Variants in ATRX observed in about 807,000 individuals in gnomAD.
ATRX encodes ATRX chromatin remodeler, also known as chromatin remodeler ATRX.
A neutral mutation model predicts 172.6 loss-of-function variants in ATRX; 12 were observed. The ratio of observed to expected loss-of-function variants is 0.07; its 90% CI spans 0.04 to 0.11. The LOEUF is 0.11. Among genes scored for constraint, ATRX ranks in the 10% least tolerant of loss-of-function variants. The pLI, the probability that ATRX is intolerant of heterozygous loss-of-function variation, is 1.00. For synonymous variants in ATRX, 674 were observed against 594.7 expected (o/e 1.13, Z -1.94); for missense variants, 1,368 against 1,767.4 (o/e 0.77, Z 4.05).
intron 27 of ATRX, among the ~76,000 whole-genome samples, chrX:77,585,764 T>C (rs782203023): frequency 1.9e-4 from 21 of 109,572 alleles, no homozygotes; most frequent in Non-Finnish European, 3.6e-4. Context: ...AACAGATGAA[T>C]GGATAATGAA....
At chrX:77,656,421 A>G in intron 13 of ATRX, 139 bp downstream of exon 13, 1 of 502,556 alleles carries the variant, frequency 2.0e-6, no homozygotes. Context: ...TAAACTATTA[A>G]GTATAACAAT....
intron 12 of ATRX, among the ~76,000 whole-genome samples, chrX:77,663,057 T>C (rs1478635930): frequency 9.0e-6 from 1 of 111,556 alleles, no homozygotes; most frequent in Non-Finnish European, 1.9e-5. Context: ...GTTTTTGCTT[T>C]TGTTTTTGAG....
intron 26 of ATRX, among the ~76,000 whole-genome samples, chrX:77,593,088 G>A (rs1046685966): frequency 1.8e-5 from 2 of 108,964 alleles, no homozygotes; most frequent in African/African-American, 3.3e-5. Context: ...GCTGGGCATG[G>A]TGGTGTGCGC....
Position 77,727,309 on chromosome X carries a change from A to G in ATRX, c.21-10066T>C, listed in dbSNP as rs1284845728. Among the ~76,000 whole-genome samples the G allele has an allele frequency of 3.6e-5, 4 of 111,654 alleles. No homozygotes were observed. The Admixed American group carries it at 3.8e-4, about 11-fold the overall frequency. ...GATCTAGAATTAGAAATACCATTTG[A>G]CCCAGCAATCCCATTACTGGGTATA... On this transcript the variant is annotated intron_variant, in intron 1 of 34. Coordinates refer to ENST00000373344, the MANE Select transcript of ATRX (RefSeq NM_000489.6).
intron 30 of ATRX, among the ~76,000 whole-genome samples, chrX:77,530,761 C>T (rs2063549216): frequency 9.1e-6 from 1 of 109,905 alleles, no homozygotes; most frequent in African/African-American, 3.3e-5. Flanking sequence ...CAGAGCTGAG[C>T]TGAAGCAAAC....
chrX:77,639,622 T>C (rs2068557078), intron 15 of ATRX, among the ~76,000 whole-genome samples: 1 of 111,904 alleles, frequency 8.9e-6, no homozygotes, highest in Admixed American at 9.5e-5. Context: ...AAGGCTTTAA[T>C]TAAGATTTCT....
At chrX:77,693,705 T>A in intron 6 of ATRX, 119 bp downstream of exon 6, 1 of 546,673 alleles carries the variant, frequency 1.8e-6, no homozygotes, top group Non-Finnish European at 3.2e-6. Flanking sequence ...TATATTTAAG[T>A]AGTGCTTTTA....
chrX:77,508,734 G>GA, intron 34 of ATRX, 105 bp from the exon 35 acceptor site: 1 of 868,471 alleles, frequency 1.2e-6, no homozygotes, highest in Non-Finnish European at 1.7e-6. Flanking sequence ...ATACCAAAAG[G>GA]AAAACACATT....
intron 1 of ATRX, among the ~76,000 whole-genome samples, chrX:77,776,566 CTTTT>C (rs781962494): frequency 6.6e-4 from 74 of 111,996 alleles, no homozygotes; most frequent in Non-Finnish European, 1.0e-3. Flanking sequence ...TCATCAGTGA[CTTTT>C]TTTAAAACAA....
chrX:77,686,364 A>C (rs1398713992), intron 7 of ATRX, among the ~76,000 whole-genome samples: 1 of 111,645 alleles, frequency 9.0e-6, no homozygotes, highest in Non-Finnish European at 1.9e-5. Context: ...AAATACAAAC[A>C]ATTTTTTTTT....
chrX:77,702,761 C>CT (rs2072602436), intron 2 of ATRX, among the ~76,000 whole-genome samples: 1 of 111,424 alleles, frequency 9.0e-6, no homozygotes, highest in Non-Finnish European at 1.9e-5. Context: ...GAGTCTCACC[C>CT]TATTGCCCAG....
intron 20 of ATRX, 103 bp downstream of exon 20, chrX:77,620,292 G>A: frequency 1.1e-6 from 1 of 916,058 alleles, no homozygotes; most frequent in Non-Finnish European, 1.6e-6. Context: ...TCATGGTCTA[G>A]GACTATACTA....
chrX:77,742,430 A>G (rs1220178744), intron 1 of ATRX, among the ~76,000 whole-genome samples: 1 of 111,906 alleles, frequency 8.9e-6, no homozygotes, highest in African/African-American at 3.2e-5. Context: ...AGGATTGGGC[A>G]GAAAGAAAAC....
At chrX:77,716,213 G>A (rs2073389434) in intron 2 of ATRX, among the ~76,000 whole-genome samples, 1 of 81,119 alleles carries the variant, frequency 1.2e-5, no homozygotes, top group Non-Finnish European at 2.2e-5. Context: ...TGAGAAGATT[G>A]CTTAAGCCCA....
intron 28 of ATRX, among the ~76,000 whole-genome samples, chrX:77,567,469 G>C (rs1260692766): frequency 9.0e-6 from 1 of 111,213 alleles, no homozygotes; most frequent in Non-Finnish European, 1.9e-5. Flanking sequence ...ATTAGTATCA[G>C]ATAAAACAGA....
chrX:77,569,520 T>G (rs782096346), intron 28 of ATRX, among the ~76,000 whole-genome samples: 2 of 111,035 alleles, frequency 1.8e-5, no homozygotes, highest in East Asian at 5.6e-4. Flanking sequence ...CCCAGAAATC[T>G]ATAAAACAAA....
chrX:77,628,811 G>A lies in ATRX; in HGVS notation c.5134+4396C>T, dbSNP rs5912651. On this transcript the variant is annotated intron_variant, in intron 19 of 34. Coordinates refer to ENST00000373344, the MANE Select transcript of ATRX (RefSeq NM_000489.6). ...TTTTGTAGATATGGGGTCTCACTAT[G>A]TTGCCCAGGCTGGCCTCAAACTCCC... Among the ~76,000 whole-genome samples the A allele has an allele frequency of 3.1e-3, 343 of 111,360 alleles. 3 individuals are homozygous for A. The highest frequency in any genetic ancestry group is 5.0e-3 in the Non-Finnish European group (267 of 53,051).
chrX:77,609,803 C>T (rs2067075713), intron 22 of ATRX, among the ~76,000 whole-genome samples: 1 of 111,691 alleles, frequency 9.0e-6, no homozygotes, highest in Non-Finnish European at 1.9e-5. Flanking sequence ...AACAACTGAA[C>T]TCACAGAGAT....
At chrX:77,580,189 G>C (rs1337985234) in intron 27 of ATRX, among the ~76,000 whole-genome samples, 1 of 111,760 alleles carries the variant, frequency 8.9e-6, no homozygotes, top group Non-Finnish European at 1.9e-5. Flanking sequence ...TACAAAAAAA[G>C]CAAATCTAAG....
Sources: allele counts gnomAD v4.1 joint callset (sites outside exome capture counted in the v4.1 genomes callset), GRCh38; gene constraint gnomAD v4.1.1; transcripts MANE v1.5; gene names NCBI Gene and HGNC (gene_info 2026-07-23, HGNC 2026-07-21).